MET: variants seen among roughly 807,000 people sequenced by gnomAD.
MET encodes the protein hepatocyte growth factor receptor.
Under a neutral mutation model 133.1 loss-of-function variants are expected in MET, and 48 were observed. The observed-to-expected ratio is 0.36, with a 90% CI of 0.29 to 0.46. MET has a LOEUF of 0.46. MET is among the 20% of genes least tolerant of loss of function. The pLI is 1.00. For synonymous variants in MET, 628 were observed against 616.5 expected (o/e 1.02, Z -0.28); for missense variants, 1,442 against 1,695.9 (o/e 0.85, Z 2.63).
chr7:116,743,329 GGA>G (rs1454242502), intron 5 of MET, among the ~76,000 whole-genome samples: 4 of 152,188 alleles, frequency 2.6e-5, no homozygotes, highest in Non-Finnish European at 5.9e-5. Context: ...ACACCGAGCA[GGA>G]GTTTTTTTTC....
At chr7:116,793,862 T>G (rs1347343321) in intron 19 of MET, among the ~76,000 whole-genome samples, 3 of 151,824 alleles carry the variant, frequency 2.0e-5, no homozygotes, top group Non-Finnish European at 4.4e-5. Context: ...TTGCACCACT[T>G]CACTCCAGCC....
chr7:116,794,701 C>T (rs1335458513), intron 19 of MET, among the ~76,000 whole-genome samples: 2 of 152,212 alleles, frequency 1.3e-5, no homozygotes, highest in Non-Finnish European at 2.9e-5. Flanking sequence ...CCTCCTTATG[C>T]TTCCTACTCT....
chr7:116,757,803 T>A, intron 8 of MET, 29 bp downstream of exon 8: 3 of 1,607,588 alleles, frequency 1.9e-6, no homozygotes, highest in Non-Finnish European at 2.6e-6. Context: ...TTGTTGCATC[T>A]GTCAATTTGA....
Position 116,782,893 on chromosome 7 carries a change from A to C in MET, c.3633-411A>C, listed in dbSNP as rs1048905890. 6.6e-5 allele frequency among the ~76,000 whole-genome samples: 10 copies of C among 152,376 alleles called. No homozygotes were observed. The Middle Eastern group carries it at 0.014, about 207-fold the overall frequency. On this transcript the variant is annotated intron_variant, in intron 18 of 20. Coordinates refer to ENST00000397752, the MANE Select transcript of MET (RefSeq NM_000245.4). ...TTTAAGAATGAAAAAGTAAAGTATC[A>C]GTCCCCTGTCATGCTCTCCCATAAA...
At chr7:116,758,810 G>C (rs563409320) in intron 9 of MET, among the ~76,000 whole-genome samples, 190 bp downstream of exon 9, 1 of 152,286 alleles carries the variant, frequency 6.6e-6, no homozygotes, top group South Asian at 2.1e-4. Flanking sequence ...ATCAATGCTA[G>C]TTCATTCCAA....
intron 2 of MET, among the ~76,000 whole-genome samples, chr7:116,719,328 T>G (rs1279183241): frequency 6.6e-6 from 1 of 151,714 alleles, no homozygotes; most frequent in Non-Finnish European, 1.5e-5. Context: ...TCGCCCACTT[T>G]TTGATGGGGT....
In MET at chr7:116,685,539, A is replaced by G. The variant is rs113255368; in HGVS notation, c.-15+12962A>G. 1.5e-3 allele frequency among the ~76,000 whole-genome samples: 233 copies of G among 152,154 alleles called. 1 individual carries two copies. Among genetic ancestry groups the G allele is most frequent in the Admixed American group, 2.8e-3 (43 of 15,292 alleles). ...CGTCTCTACTAAAAATACAAAATTTAGCCAGGTGTGGTGATGTGTGCCTGT... is the reference window on the plus strand; with the variant it reads ...CGTCTCTACTAAAAATACAAAATTTGGCCAGGTGTGGTGATGTGTGCCTGT... On this transcript the variant is annotated intron_variant, in intron 1 of 20. Coordinates refer to ENST00000397752, the MANE Select transcript of MET (RefSeq NM_000245.4).
At position 116,757,424 on chromosome 7, in the gene MET, G is replaced by T. The variant is rs764856420; in HGVS notation, c.1863-13G>T. On this transcript the variant is annotated splice_polypyrimidine_tract_variant and intron_variant, in intron 6 of 20. Transcript: ENST00000397752. ...GGATTTGTCATGTATTAAACTTTGG[G>T]TTTTTTTTCCAGATTGAAATGCACA... 1.2e-6 allele frequency: 2 copies of T among 1,605,614 alleles called. No individual in the cohort carries two copies. Among genetic ancestry groups the T allele is most frequent in the South Asian group, 1.1e-5 (1 of 90,874 alleles).
intron 10 of MET, among the ~76,000 whole-genome samples, chr7:116,762,046 C>G (rs565052258): frequency 6.6e-6 from 1 of 152,278 alleles, no homozygotes; most frequent in African/African-American, 2.4e-5. Context: ...AGATGTACCA[C>G]TATGTGTTGC....
chr7:116,674,448 G>A (rs892211396), intron 1 of MET, among the ~76,000 whole-genome samples: 1 of 152,042 alleles, frequency 6.6e-6, no homozygotes, highest in African/African-American at 2.4e-5. Flanking sequence ...TCTTAATGAG[G>A]GCTAGACTAA....
intron 1 of MET, among the ~76,000 whole-genome samples, chr7:116,687,666 G>C (rs1018590660): frequency 1.3e-5 from 2 of 152,166 alleles, no homozygotes; most frequent in Non-Finnish European, 2.9e-5. Context: ...TCGTGAAAAA[G>C]AGACCTTAGT....
At chr7:116,769,386 G>A (rs1794754234) in intron 11 of MET, among the ~76,000 whole-genome samples, 3 of 152,174 alleles carry the variant, frequency 2.0e-5, no homozygotes, top group Admixed American at 2.0e-4. Context: ...AGGATGTGAA[G>A]CAAGAACCTC....
chr7:116,723,533 G>A (rs978506758), intron 2 of MET, among the ~76,000 whole-genome samples: 7 of 152,198 alleles, frequency 4.6e-5, no homozygotes, highest in Non-Finnish European at 8.8e-5. Context: ...GAGGAACTGC[G>A]TTCCTTTGGA....
At chr7:116,711,166 G>A (rs898764682) in intron 2 of MET, among the ~76,000 whole-genome samples, 2 of 152,148 alleles carry the variant, frequency 1.3e-5, no homozygotes, top group African/African-American at 4.8e-5. Context: ...CTGAAGTACG[G>A]GTAAATCACA....
chr7:116,774,984 T>G lies in MET; in HGVS notation c.3132T>G (p.Ser1044Arg), dbSNP rs746291237. 6.2e-7 allele frequency: 1 copy of G among 1,614,184 alleles called. No individual in the cohort carries two copies. Among genetic ancestry groups the G allele is most frequent in the Non-Finnish European group, 8.5e-7 (1 of 1,180,012 alleles). ...ILTSGDSDIS[S>R]PLLQNTVHID... ...CTAGTGGGGACTCTGATATATCCAGTCCATTACTGCAAAATACTGTCCACA... is the reference window on the plus strand; with the variant it reads ...CTAGTGGGGACTCTGATATATCCAGGCCATTACTGCAAAATACTGTCCACA... Residue 1044 changes from serine to arginine, a missense_variant, in exon 15 of 21, where the codon AGT becomes AGG. Ser to Arg is a moderately radical substitution (Grantham distance 110). Transcript: ENST00000397752.
intron 1 of MET, among the ~76,000 whole-genome samples, chr7:116,675,753 TC>T (rs1183530779): frequency 1.5e-5 from 2 of 136,710 alleles, no homozygotes; most frequent in Non-Finnish European, 3.1e-5. Flanking sequence ...GTTCTCTCTC[TC>T]TTTTTTTTTT....
intron 1 of MET, among the ~76,000 whole-genome samples, chr7:116,676,025 G>A (rs1484279423): frequency 1.3e-5 from 2 of 152,022 alleles, no homozygotes; most frequent in African/African-American, 4.8e-5. Flanking sequence ...GGGACAAAAT[G>A]AAAAAAGTGC....
At chr7:116,675,176 T>C (rs565909763) in intron 1 of MET, among the ~76,000 whole-genome samples, 102 of 152,340 alleles carry the variant, frequency 6.7e-4, no homozygotes, top group African/African-American at 2.4e-3. Flanking sequence ...CAACTGACAC[T>C]GAGTTGCTGC....
chr7:116,713,091 T>C (rs1345244655), intron 2 of MET, among the ~76,000 whole-genome samples: 1 of 151,974 alleles, frequency 6.6e-6, no homozygotes, highest in Non-Finnish European at 1.5e-5. Flanking sequence ...AAGTTGAAAA[T>C]GATATATGGG....
Sources: gnomAD v4.1 joint callset for allele counts (sites outside exome capture counted in the v4.1 genomes callset) on GRCh38, gnomAD v4.1.1 for gene constraint, MANE v1.5 for transcripts, NCBI Gene and HGNC (gene_info 2026-07-23, HGNC 2026-07-21) for gene names.